NEGR1: variants seen among roughly 807,000 people sequenced by gnomAD.
The protein encoded by NEGR1 is neuronal growth regulator 1.
NEGR1 carries 10 observed loss-of-function variants against 40.9 expected under a neutral mutation model. The ratio of observed to expected loss-of-function variants is 0.24; its 90% CI spans 0.15 to 0.42. The LOEUF (loss-of-function observed/expected upper bound fraction) is 0.42. Among genes scored for constraint, NEGR1 ranks in the 10% least tolerant of loss-of-function variants. The pLI, the probability that NEGR1 is intolerant of heterozygous loss-of-function variation, is 1.00. For synonymous variants in NEGR1, 185 were observed against 166.8 expected (o/e 1.11, Z -0.84); for missense variants, 352 against 438.9 (o/e 0.80, Z 1.77).
intron 2 of NEGR1, among the ~76,000 whole-genome samples, chr1:71,876,769 T>C (rs75316636): frequency 0.034 from 5,196 of 152,270 alleles, 127 homozygotes; most frequent in Middle Eastern, 0.092. Context: ...TGAAGTTTTT[T>C]ATATTATGAT....
intron 4 of NEGR1, among the ~76,000 whole-genome samples, chr1:71,666,157 TA>T (rs1652233805): frequency 6.6e-6 from 1 of 152,226 alleles, no homozygotes; most frequent in South Asian, 2.1e-4. Context: ...TCTGATTTTC[TA>T]AAACTTACCA....
At chr1:71,876,235 T>G (rs1335931192) in intron 2 of NEGR1, among the ~76,000 whole-genome samples, 1 of 152,138 alleles carries the variant, frequency 6.6e-6, no homozygotes, top group Non-Finnish European at 1.5e-5. Context: ...ATTCCATGAT[T>G]CTAAGCTAAC....
chr1:72,264,095 A>C (rs545361001), intron 1 of NEGR1, among the ~76,000 whole-genome samples: 28 of 151,556 alleles, frequency 1.8e-4, no homozygotes, highest in African/African-American at 6.7e-4. Context: ...TCTGGAGTCC[A>C]CTGAAAATGA....
chr1:72,031,725 A>G (rs1646860438), intron 1 of NEGR1, among the ~76,000 whole-genome samples: 1 of 152,138 alleles, frequency 6.6e-6, no homozygotes, highest in Non-Finnish European at 1.5e-5. Flanking sequence ...ATGGGGTTAC[A>G]TGAGTTATAG....
intron 4 of NEGR1, among the ~76,000 whole-genome samples, chr1:71,680,128 T>G (rs556706999): frequency 1.3e-5 from 2 of 151,688 alleles, no homozygotes; most frequent in African/African-American, 4.9e-5. Flanking sequence ...TAGAGCCTCA[T>G]AAAATTATTT....
chr1:71,943,066 A>G (rs201768027), intron 1 of NEGR1, among the ~76,000 whole-genome samples: 9 of 144,590 alleles, frequency 6.2e-5, no homozygotes, highest in South Asian at 2.1e-4. Flanking sequence ...ATGTGTGTGT[A>G]TATATATGTG....
intron 1 of NEGR1, among the ~76,000 whole-genome samples, chr1:72,096,493 C>G (rs1419468960): frequency 6.6e-6 from 1 of 151,824 alleles, no homozygotes; most frequent in Non-Finnish European, 1.5e-5. Context: ...TATAAAATTT[C>G]TTATTAAAAT....
intron 1 of NEGR1, among the ~76,000 whole-genome samples, chr1:72,082,191 A>G (rs1257221658): frequency 1.3e-5 from 2 of 152,078 alleles, no homozygotes; most frequent in African/African-American, 4.8e-5. Flanking sequence ...TTTGAACAGC[A>G]AGGACTGGAT....
At chr1:71,840,380 T>C (rs978079031) in intron 2 of NEGR1, among the ~76,000 whole-genome samples, 2 of 151,938 alleles carry the variant, frequency 1.3e-5, no homozygotes, top group African/African-American at 4.8e-5. Context: ...ATCTCTAGAA[T>C]TGAAAAAAAA....
intron 4 of NEGR1, among the ~76,000 whole-genome samples, chr1:71,654,413 G>A (rs530401463): frequency 7.2e-5 from 11 of 152,138 alleles, no homozygotes; most frequent in Admixed American, 3.3e-4. Flanking sequence ...TAATAATACC[G>A]AAAGCTAGGG....
At chr1:72,257,331 A>C (rs1041832457) in intron 1 of NEGR1, among the ~76,000 whole-genome samples, 1 of 150,842 alleles carries the variant, frequency 6.6e-6, no homozygotes, top group African/African-American at 2.4e-5. Context: ...CAAAAAAAAA[A>C]AAAAAAAAAA....
At chr1:71,760,064 T>C (rs1479524781) in intron 3 of NEGR1, among the ~76,000 whole-genome samples, 1 of 152,188 alleles carries the variant, frequency 6.6e-6, no homozygotes, top group Admixed American at 6.5e-5. Context: ...TGTTAAGCAT[T>C]ATCTGCTCCC....
At chr1:71,577,957 T>A (rs1264283784) in intron 6 of NEGR1, among the ~76,000 whole-genome samples, 2 of 152,046 alleles carry the variant, frequency 1.3e-5, no homozygotes, top group African/African-American at 4.8e-5. Flanking sequence ...ACTCCTGAAG[T>A]CATGATTATC....
intron 6 of NEGR1, among the ~76,000 whole-genome samples, chr1:71,585,745 G>A (rs1260279945): frequency 1.4e-5 from 2 of 137,968 alleles, no homozygotes; most frequent in African/African-American, 5.4e-5. Context: ...GTGCATGGCT[G>A]ATTTAATTAA....
At chr1:72,125,453 G>A (rs142870274) in intron 1 of NEGR1, among the ~76,000 whole-genome samples, 96 of 144,706 alleles carry the variant, frequency 6.6e-4, no homozygotes, top group African/African-American at 2.1e-3. Flanking sequence ...AATAGAAAAC[G>A]TGGCCAAATA....
At chr1:71,530,992 C>G (rs1034777608) in intron 6 of NEGR1, among the ~76,000 whole-genome samples, 2 of 151,190 alleles carry the variant, frequency 1.3e-5, no homozygotes, top group Admixed American at 1.3e-4. Context: ...TATTGACTTA[C>G]TCAATTTTCA....
chr1:71,677,784 C>CA (rs1652693660), intron 4 of NEGR1, among the ~76,000 whole-genome samples: 1 of 152,134 alleles, frequency 6.6e-6, no homozygotes, highest in Admixed American at 6.6e-5. Context: ...TGGAGGAATG[C>CA]ATGTATAACT....
chr1:71,616,479 G>C (rs1650449985), intron 4 of NEGR1, among the ~76,000 whole-genome samples: 1 of 152,220 alleles, frequency 6.6e-6, no homozygotes, highest in South Asian at 2.1e-4. Flanking sequence ...AATGTTAACA[G>C]AGAATTATAC....
intron 1 of NEGR1, among the ~76,000 whole-genome samples, chr1:72,264,004 C>A (rs1256101336): frequency 6.6e-6 from 1 of 151,306 alleles, no homozygotes; most frequent in Non-Finnish European, 1.5e-5. Context: ...AAAGGGGAAA[C>A]GGTGTTCTCT....
Sources: allele counts gnomAD v4.1 joint callset (sites outside exome capture counted in the v4.1 genomes callset), GRCh38; gene constraint gnomAD v4.1.1; transcripts MANE v1.5; gene names NCBI Gene and HGNC (gene_info 2026-07-23, HGNC 2026-07-21).